EIF3CL: variants seen among roughly 807,000 people sequenced by gnomAD.
The protein encoded by EIF3CL is eukaryotic translation initiation factor 3 subunit C like.
For missense variants in EIF3CL, 5 were observed against 56.1 expected (o/e 0.09, Z 2.91); for synonymous variants, 2 against 19.6 (o/e 0.10, Z 2.37).
intron 16 of EIF3CL, among the ~76,000 whole-genome samples, chr16:28,382,819 GGAAA>G (rs2045584279): frequency 9.0e-5 from 2 of 22,216 alleles, no homozygotes; most frequent in South Asian, 3.2e-3. Context: ...GGAAGAAAAG[GGAAA>G]GAAAGATCAG....
chr16:28,418,910 C>T, the EIF3CL span, among the ~76,000 whole-genome samples: 1 of 146,188 alleles, frequency 6.8e-6, no homozygotes, highest in African/African-American at 2.5e-5. Flanking sequence ...GATTACAGGC[C>T]TGAGCCACCC....
the EIF3CL span, among the ~76,000 whole-genome samples, chr16:28,417,087 A>C: frequency 2.4e-5 from 2 of 83,240 alleles, no homozygotes; most frequent in Admixed American, 1.2e-4. Flanking sequence ...GGCCGCCCCT[A>C]CTGGGAAGTG....
At chr16:28,417,627 T>C in the EIF3CL span, among the ~76,000 whole-genome samples, 2 of 98,768 alleles carry the variant, frequency 2.0e-5, no homozygotes, top group East Asian at 2.7e-4. Flanking sequence ...AGCATGCTCG[T>C]TAAGAGTCAT....
chr16:28,417,679 C>G, the EIF3CL span, among the ~76,000 whole-genome samples: 1 of 100,112 alleles, frequency 1.0e-5, no homozygotes, highest in Non-Finnish European at 2.1e-5. Context: ...ACAAACACTG[C>G]GGAAGGCCGC....
the EIF3CL span, among the ~76,000 whole-genome samples, chr16:28,418,721 C>T: frequency 2.0e-5 from 3 of 151,782 alleles, no homozygotes; most frequent in African/African-American, 4.8e-5. Flanking sequence ...CCTCTGCCTC[C>T]CAGGTTCAAG....
chr16:28,414,741 G>A, the EIF3CL span: 3 of 404,108 alleles, frequency 7.4e-6, no homozygotes, highest in Non-Finnish European at 1.5e-5. Flanking sequence ...AGGAGTACTA[G>A]GAGGAGGAGC....
chr16:28,418,008 G>A, the EIF3CL span, among the ~76,000 whole-genome samples: 73 of 143,570 alleles, frequency 5.1e-4, no homozygotes, highest in East Asian at 0.011. Context: ...ACCCCATTGC[G>A]CTCTAGACTG....
chr16:28,417,869 A>T, the EIF3CL span, among the ~76,000 whole-genome samples: 2 of 98,556 alleles, frequency 2.0e-5, no homozygotes, highest in African/African-American at 6.5e-5. Flanking sequence ...CACTTTAGGA[A>T]TGCAAAAAAA....
At chr16:28,417,211 C>T in the EIF3CL span, among the ~76,000 whole-genome samples, 5 of 148,978 alleles carry the variant, frequency 3.4e-5, no homozygotes, top group African/African-American at 1.0e-4. Context: ...AGCCCCCCTG[C>T]CCGGCGAGCC....
the EIF3CL span, chr16:28,414,745 G>C: frequency 2.5e-6 from 1 of 407,164 alleles, no homozygotes; most frequent in Non-Finnish European, 5.0e-6. Context: ...GTACTAGGAG[G>C]AGGAGCTCAA....
intron 15 of EIF3CL, among the ~76,000 whole-genome samples, chr16:28,387,630 A>G (rs2045614936): frequency 6.6e-6 from 1 of 150,446 alleles, no homozygotes; most frequent in African/African-American, 2.4e-5. Context: ...ACCATAGAAT[A>G]GAAACACAAA....
At chr16:28,415,863 TCCATC>T in the EIF3CL span, among the ~76,000 whole-genome samples, 1 of 106,622 alleles carries the variant, frequency 9.4e-6, no homozygotes, top group Non-Finnish European at 2.0e-5. Context: ...CGTCTCCGTC[TCCATC>T]TCCGTCTCCC....
chr16:28,403,391 A>ACT (rs2141661118), intron 2 of EIF3CL, 127 bp downstream of exon 2: 1 of 27,628 alleles, frequency 3.6e-5, no homozygotes, highest in Non-Finnish European at 8.7e-5. Context: ...GATCCTGCAA[A>ACT]CTCTGGTCAT....
intron 15 of EIF3CL, among the ~76,000 whole-genome samples, chr16:28,384,177 G>A (rs1414122999): frequency 4.3e-5 from 2 of 46,822 alleles, no homozygotes; most frequent in Non-Finnish European, 1.0e-4. Context: ...TTTTGGAGAC[G>A]GAGTCTCACT....
chr16:28,415,140 T>G, the EIF3CL span: 1 of 307,148 alleles, frequency 3.3e-6, no homozygotes, highest in Non-Finnish European at 6.3e-6. Context: ...CCCCTAGCCC[T>G]GGGGGCCTGC....
chr16:28,403,435 T>TC (rs1451786089), intron 2 of EIF3CL, 83 bp downstream of exon 2: 2 of 10,638 alleles, frequency 1.9e-4, no homozygotes, highest in African/African-American at 5.7e-4. Flanking sequence ...CTCACCTCCA[T>TC]CCCCTCCCAT....
the EIF3CL span, among the ~76,000 whole-genome samples, chr16:28,417,947 G>A: frequency 2.1e-5 from 3 of 141,564 alleles, no homozygotes; most frequent in Non-Finnish European, 3.1e-5. Context: ...GGAGGCTGAG[G>A]CAGCAGTATC....
chr16:28,403,020 T>TAA lies in EIF3CL; in HGVS notation c.101+496_101+497dup, dbSNP rs34279997. Among the ~76,000 whole-genome samples the TAA allele has an allele frequency of 6.7e-4, 78 of 116,528 alleles. 1 individual carries two copies. The highest frequency in any genetic ancestry group is 1.4e-3 in the Admixed American group (16 of 11,218). The allele number at this position is 116,528 out of a possible 152,430, so 76.4% of individuals were successfully genotyped here. A position where few individuals can be genotyped will look rare whatever the true frequency, so the allele number is the denominator to read the frequency against. On this transcript the variant is annotated intron_variant, in intron 2 of 20. Transcript: ENST00000380876. ...AAAACCATTCTATTGTTCCAAAGGG[T>TAA]AAAAAAAAAAAAATTAATGTACAGA... is the stretch of plus-strand genomic sequence containing the variant.
the EIF3CL span, among the ~76,000 whole-genome samples, chr16:28,419,086 A>G: frequency 1.4e-5 from 2 of 141,234 alleles, no homozygotes; most frequent in Non-Finnish European, 3.2e-5. Context: ...GGCTCACTGC[A>G]ACCTCTACCT....
Sources: allele counts gnomAD v4.1 joint callset (sites outside exome capture counted in the v4.1 genomes callset), GRCh38; gene constraint gnomAD v4.1.1; transcripts MANE v1.5; gene names NCBI Gene and HGNC (gene_info 2026-07-23, HGNC 2026-07-21).